KSR2: variants seen among roughly 807,000 people sequenced by gnomAD.
The protein encoded by KSR2 is kinase suppressor of ras 2.
KSR2 carries 25 observed loss-of-function variants against 107.8 expected under a neutral mutation model. That is an observed-to-expected ratio of 0.23 (90% CI 0.17 to 0.32). The LOEUF (loss-of-function observed/expected upper bound fraction) is 0.32. KSR2 is among the 10% of genes least tolerant of loss of function. The pLI, the probability that KSR2 is intolerant of heterozygous loss-of-function variation, is 1.00. For missense variants in KSR2, 887 were observed against 1,268.9 expected (o/e 0.70, Z 4.57); for synonymous variants, 480 against 507.0 (o/e 0.95, Z 0.71).
intron 1 of KSR2, among the ~76,000 whole-genome samples, chr12:117,862,202 C>G (rs1194505431): frequency 2.0e-5 from 3 of 152,092 alleles, no homozygotes; most frequent in Non-Finnish European, 4.4e-5. Context: ...GCTAGGACTA[C>G]AGGTGAGTGC....
intron 4 of KSR2, among the ~76,000 whole-genome samples, chr12:117,691,573 C>T (rs746324327): frequency 2.6e-5 from 4 of 152,196 alleles, no homozygotes; most frequent in African/African-American, 4.8e-5. Context: ...AAGGCCATGC[C>T]GGGTGCAGGC....
chr12:117,669,152 G>C (rs1884795878), intron 4 of KSR2, among the ~76,000 whole-genome samples: 1 of 152,164 alleles, frequency 6.6e-6, no homozygotes, highest in Admixed American at 6.5e-5. Context: ...CAACAATTGT[G>C]CAATAAAGCC....
chr12:117,822,748 G>A (rs1307744252), intron 3 of KSR2, among the ~76,000 whole-genome samples: 2 of 152,206 alleles, frequency 1.3e-5, no homozygotes, highest in East Asian at 3.9e-4. Context: ...TGAGAGAGTA[G>A]TACCATGCTG....
rs1887616266 is a variant in KSR2, at chr12:117,730,440, T to TCTCCC, written c.986+30570_986+30571insGGGAG. On this transcript the variant is annotated intron_variant, in intron 4 of 19. Coordinates refer to ENST00000339824, the MANE Select transcript of KSR2 (RefSeq NM_173598.6). ...GAAATCCCTCTCCCTCTCCCTCTCC[T>TCTCCC]CTTTCCACAGTCTCCCTCTCCCTCG... Among the ~76,000 whole-genome samples the TCTCCC allele has an allele frequency of 8.6e-5, 13 of 151,508 alleles. No homozygotes were observed. The South Asian group carries it at 1.7e-3, about 20-fold the overall frequency.
intron 5 of KSR2, among the ~76,000 whole-genome samples, chr12:117,595,513 C>T (rs1028421142): frequency 7.2e-5 from 11 of 151,848 alleles, no homozygotes; most frequent in South Asian, 2.1e-4. Flanking sequence ...TACAGGCGCC[C>T]GCCACCGCGC....
intron 7 of KSR2, among the ~76,000 whole-genome samples, chr12:117,573,531 T>TC (rs1387141239): frequency 1.4e-5 from 2 of 147,656 alleles, no homozygotes; most frequent in Non-Finnish European, 3.0e-5. Flanking sequence ...TATCTTTTTT[T>TC]TTTTTTTTTT....
intron 5 of KSR2, among the ~76,000 whole-genome samples, chr12:117,599,706 G>T (rs1308121617): frequency 6.6e-6 from 1 of 151,932 alleles, no homozygotes; most frequent in Non-Finnish European, 1.5e-5. Context: ...GGGTGGAGAG[G>T]CAACATTTCC....
intron 1 of KSR2, among the ~76,000 whole-genome samples, chr12:117,956,526 C>T (rs1896523784): frequency 6.6e-6 from 1 of 152,098 alleles, no homozygotes; most frequent in Non-Finnish European, 1.5e-5. Context: ...CATGATTGCA[C>T]CACCGCATCC....
At chr12:117,849,011 G>A (rs1043032667) in intron 3 of KSR2, among the ~76,000 whole-genome samples, 6 of 152,124 alleles carry the variant, frequency 3.9e-5, no homozygotes, top group African/African-American at 1.2e-4. Flanking sequence ...ATAATATGTC[G>A]TATCCACAAT....
intron 1 of KSR2, among the ~76,000 whole-genome samples, chr12:117,953,899 G>A (rs1416940767): frequency 6.6e-6 from 1 of 152,072 alleles, no homozygotes; most frequent in Non-Finnish European, 1.5e-5. Flanking sequence ...AGACTGGCCT[G>A]GGCAAGATGG....
At chr12:117,580,843 A>C (rs1224678995) in intron 6 of KSR2, among the ~76,000 whole-genome samples, 4 of 151,128 alleles carry the variant, frequency 2.6e-5, no homozygotes, top group African/African-American at 4.9e-5. Flanking sequence ...GAGCCAGAGG[A>C]GTGGCTGACC....
chr12:117,620,195 A>G (rs1399077407), intron 5 of KSR2, among the ~76,000 whole-genome samples: 1 of 152,164 alleles, frequency 6.6e-6, no homozygotes, highest in Non-Finnish European at 1.5e-5. Context: ...GGACACCAAG[A>G]TCTGAACCCA....
At chr12:117,916,931 T>C (rs1004220526) in intron 1 of KSR2, among the ~76,000 whole-genome samples, 1 of 152,248 alleles carries the variant, frequency 6.6e-6, no homozygotes, top group Non-Finnish European at 1.5e-5. Context: ...TTGATATCTA[T>C]AAACATAAGA....
intron 4 of KSR2, among the ~76,000 whole-genome samples, chr12:117,718,166 T>C (rs1378531248): frequency 6.6e-6 from 1 of 152,240 alleles, no homozygotes; most frequent in Non-Finnish European, 1.5e-5. Flanking sequence ...TTTCAATTCA[T>C]ACAGTAACTT....
At chr12:117,495,695 G>C (rs137949660) in intron 14 of KSR2, among the ~76,000 whole-genome samples, 3,014 of 152,302 alleles carry the variant, frequency 0.02, 44 homozygotes, top group Non-Finnish European at 0.031. Flanking sequence ...AGGGAAAAAG[G>C]AAGCGTAGAC....
intron 4 of KSR2, among the ~76,000 whole-genome samples, chr12:117,727,112 A>G (rs1461122707): frequency 3.3e-5 from 5 of 152,020 alleles, no homozygotes; most frequent in Non-Finnish European, 7.4e-5. Context: ...GTGCTGGCTT[A>G]CACCTGTAAT....
At chr12:117,680,774 A>C (rs1169554976) in intron 4 of KSR2, among the ~76,000 whole-genome samples, 3 of 152,182 alleles carry the variant, frequency 2.0e-5, no homozygotes, top group Non-Finnish European at 4.4e-5. Flanking sequence ...AGGAGAAAAA[A>C]CAATGGATAT....
chr12:117,512,468 T>TA (rs1164611614), intron 14 of KSR2, among the ~76,000 whole-genome samples: 2 of 152,204 alleles, frequency 1.3e-5, no homozygotes, highest in Non-Finnish European at 2.9e-5. Flanking sequence ...GGATGACTGT[T>TA]AAACATTGTT....
intron 10 of KSR2, among the ~76,000 whole-genome samples, chr12:117,534,909 T>G (rs553442759): frequency 6.6e-6 from 1 of 152,258 alleles, no homozygotes; most frequent in South Asian, 2.1e-4. Context: ...AGGAGATGGA[T>G]TCTCCCTGAG....
Sources: allele counts gnomAD v4.1 joint callset (sites outside exome capture counted in the v4.1 genomes callset), GRCh38; gene constraint gnomAD v4.1.1; transcripts MANE v1.5; gene names NCBI Gene and HGNC (gene_info 2026-07-23, HGNC 2026-07-21).